Variants in PCDHGA3 observed in about 807,000 individuals in gnomAD.
The protein encoded by PCDHGA3 is protocadherin gamma-A3.
In PCDHGA3, 40 loss-of-function variants were observed where a neutral mutation model predicts 58.5. That is an observed-to-expected ratio of 0.68 (90% CI 0.53 to 0.89). PCDHGA3 has a LOEUF of 0.89. PCDHGA3 is among the 40% of genes least tolerant of loss of function. PCDHGA3 has a pLI of 0.00. For missense variants in PCDHGA3, 1,223 were observed against 1,195.9 expected (o/e 1.02, Z -0.33); for synonymous variants, 530 against 525.7 (o/e 1.01, Z -0.11).
chr5:141,384,405 C>T (rs1780049839), intron 1 of PCDHGA3: 2 of 1,613,882 alleles, frequency 1.2e-6, no homozygotes, highest in Non-Finnish European at 8.5e-7. Flanking sequence ...CTCCAGTGTC[C>T]TCCTATGTCT....
intron 1 of PCDHGA3, chr5:141,427,774 G>C: frequency 7.0e-7 from 1 of 1,420,908 alleles, no homozygotes; most frequent in Non-Finnish European, 9.8e-7. Context: ...TTGGAGCTGC[G>C]GGCACTGTCG....
rs147564249 is a variant in PCDHGA3, at chr5:141,432,378, C to T, written c.2425-62429C>T. 1 of 1,614,234 alleles carries T rather than the reference C, an allele frequency of 6.2e-7. No homozygotes were observed. Among genetic ancestry groups the T allele is most frequent in the Non-Finnish European group, 8.5e-7 (1 of 1,180,044 alleles). ...GTGATGGCGCGGGACAACGGGCACCCGCCCCTCAGCAGCAACGTGTCGTTG... is the reference window on the plus strand; with the variant it reads ...GTGATGGCGCGGGACAACGGGCACCTGCCCCTCAGCAGCAACGTGTCGTTG... On this transcript the variant is annotated intron_variant, in intron 1 of 3. Coordinates refer to ENST00000253812, the MANE Select transcript of PCDHGA3 (RefSeq NM_018916.4). This position sits in a 1 kb window ranked among gnomAD's most constrained non-coding sequence, Gnocchi z 6.0.
At position 141,399,361 on chromosome 5, in the gene PCDHGA3, C is replaced by T. The variant is rs375619778; in HGVS notation, c.2424+52904C>T. 7.2e-5 allele frequency: 117 copies of T among 1,613,842 alleles called. No individual in the cohort carries two copies. Among genetic ancestry groups the T allele is most frequent in the Non-Finnish European group, 9.7e-5 (115 of 1,179,910 alleles). ...TGGAACCCTAGACCGAGAGCAAACC[C>T]CGGAGTACAATGTCACCATCACAGC... On this transcript the variant is annotated intron_variant, in intron 1 of 3. Transcript: ENST00000253812.
chr5:141,456,301 C>CA (rs761557752), intron 1 of PCDHGA3, among the ~76,000 whole-genome samples: 14 of 152,154 alleles, frequency 9.2e-5, no homozygotes, highest in Non-Finnish European at 1.6e-4. Flanking sequence ...TAATGGAGAA[C>CA]AGCAGCTAGG....
chr5:141,364,224 C>A (rs538812851), intron 1 of PCDHGA3: 2 of 1,356,132 alleles, frequency 1.5e-6, no homozygotes, highest in East Asian at 5.0e-5. Flanking sequence ...GAAAAGCCAA[C>A]GCTCCACGCC....
Position 141,427,133 on chromosome 5 carries a change from A to AGAT in PCDHGA3, c.2425-67670_2425-67668dup, listed in dbSNP as rs370316028. 2.9e-4 allele frequency: 134 copies of AGAT among 457,190 alleles called. 1 individual carries two copies. The highest frequency in any genetic ancestry group is 2.4e-3 in the African/African-American group (123 of 50,216). The allele number at this position is 457,190 out of a possible 1,614,324, so 28.3% of individuals were successfully genotyped here. On this transcript the variant is annotated intron_variant, in intron 1 of 3. Transcript: ENST00000253812. ...TCACCTACTCTTTCAAATCCCTACG[A>AGAT]GATGATATTGGAAATATGTTTGTGC...
rs1273620361 is a variant in PCDHGA3, at chr5:141,486,809, A to G, written c.2425-7998A>G. 1 of 1,614,106 alleles carries G rather than the reference A, an allele frequency of 6.2e-7. No homozygotes were observed. The highest frequency in any genetic ancestry group is 1.3e-5 in the African/African-American group (1 of 74,936). On this transcript the variant is annotated intron_variant, in intron 1 of 3. Coordinates refer to ENST00000253812, the MANE Select transcript of PCDHGA3 (RefSeq NM_018916.4). This position sits in a 1 kb window ranked among gnomAD's most constrained non-coding sequence, Gnocchi z 5.0. ...CCGGGATCGGGGCAACCCACCCCTT[A>G]GCAGCACTGTAACAGTTCGTCTATT...
At chr5:141,461,051 A>G (rs1238514064) in intron 1 of PCDHGA3, among the ~76,000 whole-genome samples, 1 of 151,734 alleles carries the variant, frequency 6.6e-6, no homozygotes, top group East Asian at 1.9e-4. Flanking sequence ...ATGGGGACTT[A>G]GGTTGGTTTC....
intron 1 of PCDHGA3, chr5:141,360,602 C>G: frequency 1.2e-6 from 2 of 1,613,964 alleles, no homozygotes; most frequent in Non-Finnish European, 1.7e-6. Flanking sequence ...CCACTTGACC[C>G]AGCCCTGGAT....
chr5:141,419,481 C>T (rs2096389716), intron 1 of PCDHGA3: 1 of 1,612,422 alleles, frequency 6.2e-7, no homozygotes, highest in East Asian at 2.2e-5. Flanking sequence ...GGCTCGCCCG[C>T]GCTCAGCGCC....
chr5:141,488,196 TA>T, intron 1 of PCDHGA3, among the ~76,000 whole-genome samples: 1 of 152,186 alleles, frequency 6.6e-6, no homozygotes, highest in Non-Finnish European at 1.5e-5. Context: ...GTCTGGGTCT[TA>T]GGACTCATAT....
intron 1 of PCDHGA3, chr5:141,419,302 C>A: frequency 6.2e-7 from 1 of 1,614,024 alleles, no homozygotes; most frequent in Non-Finnish European, 8.5e-7. Flanking sequence ...ACCCAGACTT[C>A]GGGCTCAACG....
chr5:141,470,597 T>A (rs1309687738), intron 1 of PCDHGA3, among the ~76,000 whole-genome samples: 5 of 152,216 alleles, frequency 3.3e-5, no homozygotes, highest in Non-Finnish European at 7.3e-5. Flanking sequence ...AGGCGACCTG[T>A]GCGGGGACAC....
At chr5:141,352,818 G>A (rs1384661178) in intron 1 of PCDHGA3, 6 of 812,554 alleles carry the variant, frequency 7.4e-6, no homozygotes, top group Admixed American at 2.8e-5. Flanking sequence ...GGTAAAACCC[G>A]GTCTACTAAA....
intron 1 of PCDHGA3, chr5:141,400,053 G>C: frequency 6.2e-7 from 1 of 1,613,736 alleles, no homozygotes; most frequent in Non-Finnish European, 8.5e-7. Flanking sequence ...TGGTTGCTGT[G>C]CGTGATGGTG....
chr5:141,415,409 TG>T (rs763291157), intron 1 of PCDHGA3: 1 of 1,614,208 alleles, frequency 6.2e-7, no homozygotes, highest in Non-Finnish European at 8.5e-7. Context: ...TCGCACTTTG[TG>T]GGCGTGGACG....
intron 1 of PCDHGA3, among the ~76,000 whole-genome samples, chr5:141,472,590 C>T (rs1161871973): frequency 6.6e-6 from 1 of 151,908 alleles, no homozygotes; most frequent in Non-Finnish European, 1.5e-5. Flanking sequence ...GTCAGAAGCT[C>T]TCTTGAAATT....
chr5:141,380,502 T>C (rs932449846), intron 1 of PCDHGA3, among the ~76,000 whole-genome samples: 2 of 152,190 alleles, frequency 1.3e-5, no homozygotes, highest in Admixed American at 1.3e-4. Flanking sequence ...AACAATAATA[T>C]ACACTCTTTA....
At chr5:141,479,505 G>A (rs2099498324) in intron 1 of PCDHGA3, 1 of 152,262 alleles carries the variant, frequency 6.6e-6, no homozygotes, top group African/African-American at 2.4e-5. Flanking sequence ...CCTAAAGAGG[G>A]GTGAACTGGC....
Sources: allele counts gnomAD v4.1 joint callset (sites outside exome capture counted in the v4.1 genomes callset), GRCh38; gene constraint gnomAD v4.1.1; non-coding constraint Gnocchi (gnomAD v3.1); transcripts MANE v1.5; gene names NCBI Gene and HGNC (gene_info 2026-07-23, HGNC 2026-07-21).